TSPAN4: variants seen among roughly 807,000 people sequenced by gnomAD.
The protein encoded by TSPAN4 is tetraspanin-4.
Under a neutral mutation model 31.5 loss-of-function variants are expected in TSPAN4, and 38 were observed. That is an observed-to-expected ratio of 1.21 (90% CI 0.93 to 1.58). TSPAN4 has a LOEUF of 1.58. Among genes scored for constraint, TSPAN4 ranks in the 40% most tolerant of loss-of-function variants. The pLI, the probability that TSPAN4 is intolerant of heterozygous loss-of-function variation, is 0.00. For synonymous variants in TSPAN4, 186 were observed against 144.6 expected (o/e 1.29, Z -2.06); for missense variants, 330 against 317.3 (o/e 1.04, Z -0.30).
At chr11:843,376 A>T (rs1847083880) in intron 1 of TSPAN4, 1 of 151,552 alleles carries the variant, frequency 6.6e-6, no homozygotes, top group Non-Finnish European at 1.5e-5. Context: ...CGCCGTCCCG[A>T]GCTCCCGACG....
At position 867,096 on chromosome 11, in the gene TSPAN4, A is replaced by T. The variant is rs1376130179; in HGVS notation, c.*466A>T. On this transcript the variant is annotated 3_prime_UTR_variant, in exon 9 of 9. Transcript: ENST00000397397. The stretch of plus-strand genomic sequence containing the variant: ...CGTGGGGCTCCTGGTGCATCTTAAT[A>T]AAGTGTGAGCAGCAACCTTGCGTCT... The T allele has an allele frequency of 6.3e-6, 1 of 157,756 alleles. No homozygotes were observed. The highest frequency in any genetic ancestry group is 2.4e-5 in the African/African-American group (1 of 41,552). 9.8% of individuals were successfully genotyped at this position (157,756 alleles called of 1,614,324 possible). A position where few individuals can be genotyped will look rare whatever the true frequency, so the allele number is the denominator to read the frequency against.
chr11:865,971 C>T lies in TSPAN4; in HGVS notation c.618C>T (p.Gly206=), dbSNP rs1393761062. 1 of 1,612,450 alleles carries T rather than the reference C, an allele frequency of 6.2e-7. No individual in the cohort carries two copies. The highest frequency in any genetic ancestry group is 1.1e-5 in the South Asian group (1 of 91,034). The change falls in exon 8 of 9, where the codon GGC becomes GGT. Residue 206 remains glycine (G), a synonymous_variant. Transcript: ENST00000397397. ...VWLQENLLAV[G]IFGLCTALVQ... is the part of the protein sequence containing the mutation. ...TTCAGGAGAACCTGCTGGCTGTGGG[C>T]ATCTTTGGGCTGTGCACGGCGCTGG...
chr11:865,668 C>A lies in TSPAN4; in HGVS notation c.433-26C>A, dbSNP rs778220004. 6 of 1,612,734 alleles carry A rather than the reference C, an allele frequency of 3.7e-6. No homozygotes were observed. In the South Asian group the frequency reaches 6.6e-5, roughly 18 times the overall value. On this transcript the variant is annotated intron_variant, in intron 6 of 8. Transcript: ENST00000397397. The stretch of plus-strand genomic sequence containing the variant: ...GCGGGTGCCCCCTCCCCTCCTGCCT[C>A]AGCCCGACCTGAGCTTGCCCCCCAG...
chr11:854,324 G>A (rs1443086791), intron 3 of TSPAN4, among the ~76,000 whole-genome samples: 1 of 152,180 alleles, frequency 6.6e-6, no homozygotes, highest in Non-Finnish European at 1.5e-5. Context: ...CTGGGGGACC[G>A]GGTGGGGGTT....
rs1162758528 is a variant in TSPAN4, at chr11:865,820, A to G, written c.559A>G (p.Lys187Glu). 1 of 1,612,208 alleles carries G rather than the reference A, an allele frequency of 6.2e-7. No homozygotes were observed. Among genetic ancestry groups the G allele is most frequent in the East Asian group, 2.2e-5 (1 of 44,832 alleles). Residue 187 changes from lysine (K) to glutamate (E), a missense_variant, in exon 7 of 9, where the codon AAG (lysine) becomes GAG (glutamate). Transcript: ENST00000397397. ...GCTGCACGCCCCCGGCACCTGGTGG[A>G]AGGCGGTGAGTGAGACCCCCACCCT... ...CGLHAPGTWW[K>E]APCYETVKVW...
At chr11:863,489 C>T (rs1250752997) in intron 4 of TSPAN4, 1 of 152,286 alleles carries the variant, frequency 6.6e-6, no homozygotes, top group African/African-American at 2.4e-5. Context: ...GGGCAAGCCC[C>T]AAGTCTATCA....
In TSPAN4 at chr11:852,793, TCC is replaced by T. The variant is rs533108440; in HGVS notation, c.63+2427_63+2428del. Among the ~76,000 whole-genome samples the T allele has an allele frequency of 2.9e-3, 446 of 152,100 alleles. 2 individuals carry two copies. Among genetic ancestry groups the T allele is most frequent in the African/African-American group, 0.01 (429 of 41,478 alleles). ...GGAGACCAGGGGATACAACCTGGCC[TCC>T]TCCTCCTCCTCCTCCGTCTTCTCAG... On this transcript the variant is annotated intron_variant, in intron 3 of 8. Transcript: ENST00000397397.
At chr11:862,307 C>A in intron 3 of TSPAN4, 1 of 547,340 alleles carries the variant, frequency 1.8e-6, no homozygotes, top group Non-Finnish European at 3.2e-6. Flanking sequence ...ACAAGGGAGC[C>A]TCCCCGACTG....
chr11:864,554 C>T (rs780112771), intron 5 of TSPAN4, 43 bp downstream of exon 5: 2 of 1,605,586 alleles, frequency 1.2e-6, no homozygotes, highest in East Asian at 2.2e-5. Flanking sequence ...GGGCTGGGGG[C>T]TCCATCCTCA....
intron 4 of TSPAN4, chr11:864,051 C>G (rs142201741): frequency 3.7e-6 from 1 of 267,270 alleles, no homozygotes; most frequent in Non-Finnish European, 7.3e-6. Context: ...AGGCACCCAG[C>G]GAGGCACCTG....
At chr11:855,936 G>T (rs1848019476) in intron 3 of TSPAN4, among the ~76,000 whole-genome samples, 1 of 152,210 alleles carries the variant, frequency 6.6e-6, no homozygotes, top group Non-Finnish European at 1.5e-5. Context: ...CGCATGGCCA[G>T]AGGGGCAGTG....
intron 2 of TSPAN4, among the ~76,000 whole-genome samples, chr11:847,730 G>T (rs917453183): frequency 6.6e-6 from 1 of 151,626 alleles, no homozygotes. Context: ...AGATGGGAAA[G>T]GGGGTGGGAG....
intron 3 of TSPAN4, among the ~76,000 whole-genome samples, chr11:851,472 C>G (rs1394478987): frequency 1.3e-5 from 2 of 152,218 alleles, no homozygotes; most frequent in Non-Finnish European, 1.5e-5. Flanking sequence ...CCCACCTCTC[C>G]CCTCCTGAGC....
intron 3 of TSPAN4, among the ~76,000 whole-genome samples, chr11:860,853 T>G (rs1193837990): frequency 6.6e-6 from 1 of 152,044 alleles, no homozygotes; most frequent in Admixed American, 6.5e-5. Context: ...CAGTCCAGGG[T>G]GGGGCAGGGA....
chr11:862,783 C>T, intron 4 of TSPAN4, 42 bp downstream of exon 4: 2 of 1,549,056 alleles, frequency 1.3e-6, no homozygotes, highest in Non-Finnish European at 1.7e-6. Flanking sequence ...TGGGACCACG[C>T]AGGGTGGGGC....
intron 2 of TSPAN4, 123 bp from the exon 3 acceptor site, chr11:850,165 G>T: frequency 1.4e-6 from 1 of 735,278 alleles, no homozygotes; most frequent in East Asian, 3.0e-5. Context: ...GGGGACGCCG[G>T]GGGCTCCTTC....
intron 5 of TSPAN4, chr11:864,912 A>G (rs1368932007): frequency 1.3e-5 from 3 of 225,252 alleles, no homozygotes; most frequent in African/African-American, 4.9e-5. Context: ...AGTCCTGGCT[A>G]TTGAGGTTGC....
intron 7 of TSPAN4, 29 bp downstream of exon 7, chr11:865,854 G>C (rs1385550823): frequency 2.5e-6 from 4 of 1,612,546 alleles, no homozygotes; most frequent in Non-Finnish European, 3.4e-6. Context: ...CTGGGGGCTG[G>C]TAGGGGCCTA....
At chr11:844,977 G>A (rs943225144) in intron 1 of TSPAN4, among the ~76,000 whole-genome samples, 2 of 152,172 alleles carry the variant, frequency 1.3e-5, no homozygotes, top group African/African-American at 4.8e-5. Flanking sequence ...AGCACGGGCT[G>A]AGCCCTGGCT....
Sources: gnomAD v4.1 joint callset for allele counts (sites outside exome capture counted in the v4.1 genomes callset) on GRCh38, gnomAD v4.1.1 for gene constraint, MANE v1.5 for transcripts, NCBI Gene and HGNC (gene_info 2026-07-23, HGNC 2026-07-21) for gene names.